FBP2: variants seen among roughly 807,000 people sequenced by gnomAD.
The protein encoded by FBP2 is fructose-bisphosphatase 2.
In FBP2, 27 loss-of-function variants were observed where a neutral mutation model predicts 31.6. That is an observed-to-expected ratio of 0.85 (90% CI 0.63 to 1.18). The LOEUF (loss-of-function observed/expected upper bound fraction) is 1.18. Ranked by LOEUF, FBP2 falls within the 50% of genes most tolerant of loss-of-function variation. The pLI is 0.00. For synonymous variants in FBP2, 168 were observed against 179.8 expected, an observed-to-expected ratio of 0.93 and a Z score of 0.53; for missense variants, 421 against 436.1, an observed-to-expected ratio of 0.97 and a Z score of 0.31.
At chr9:94,572,625 G>A (rs1827281466) in intron 3 of FBP2, among the ~76,000 whole-genome samples, 1 of 152,128 alleles carries the variant, frequency 6.6e-6, no homozygotes, top group African/African-American at 2.4e-5. Context: ...TTGGTGGCAA[G>A]TACCAACTCC....
intron 1 of FBP2, 100 bp downstream of exon 1, chr9:94,593,457 T>A (rs1827522996): frequency 1.7e-6 from 2 of 1,159,572 alleles, no homozygotes; most frequent in Non-Finnish European, 2.4e-6. Context: ...ACAGGGCCAA[T>A]AAGCTTTGGA....
chr9:94,582,351 C>CGTGTGTGTGTGTGT (rs71366248), intron 3 of FBP2, among the ~76,000 whole-genome samples: 1 of 147,744 alleles, frequency 6.8e-6, no homozygotes, highest in Non-Finnish European at 1.5e-5. Flanking sequence ...TGTGTGTGTG[C>CGTGTGTGTGTGTGT]GTGTGTGTGT....
intron 5 of FBP2, among the ~76,000 whole-genome samples, chr9:94,566,622 G>A (rs989765509): frequency 2.0e-5 from 3 of 152,184 alleles, no homozygotes; most frequent in African/African-American, 7.2e-5. Context: ...CTATATTTCT[G>A]TGTGTGTGTC....
At chr9:94,561,751 G>GAC (rs761153918) in intron 6 of FBP2, among the ~76,000 whole-genome samples, 12 of 151,996 alleles carry the variant, frequency 7.9e-5, no homozygotes, top group Non-Finnish European at 1.3e-4. Flanking sequence ...TGCACACACA[G>GAC]ACACACACAC....
chr9:94,577,462 C>G (rs578063281), intron 3 of FBP2: 1 of 152,162 alleles, frequency 6.6e-6, no homozygotes, highest in Non-Finnish European at 1.5e-5. Flanking sequence ...AATGGTTAAC[C>G]TACACTGTGG....
chr9:94,560,774 T>A (rs1246098565), intron 6 of FBP2, among the ~76,000 whole-genome samples: 1 of 148,336 alleles, frequency 6.7e-6, no homozygotes, highest in Non-Finnish European at 1.5e-5. Flanking sequence ...TGTTATTATA[T>A]ATTTTTTCTA....
At chr9:94,567,495 TG>T in intron 4 of FBP2, 88 bp from the exon 5 acceptor site, 2 of 1,507,348 alleles carry the variant, frequency 1.3e-6, no homozygotes, top group South Asian at 2.4e-5. Context: ...CAGGAGAAGA[TG>T]GGGGCCTGCT....
At chr9:94,570,900 T>C (rs1228167179) in intron 4 of FBP2, 1 of 152,234 alleles carries the variant, frequency 6.6e-6, no homozygotes, top group East Asian at 1.9e-4. Context: ...TGGGACACAG[T>C]AGATGCTCAA....
At chr9:94,565,368 CAAAA>C (rs369180827) in intron 5 of FBP2, among the ~76,000 whole-genome samples, 2 of 46,554 alleles carry the variant, frequency 4.3e-5, no homozygotes, top group Non-Finnish European at 9.3e-5. Context: ...GACTCCACCT[CAAAA>C]AAAAAAAAAA....
rs191418588 is a variant in FBP2, at chr9:94,562,659, A to G, written c.825+683T>C. On this transcript the variant is annotated intron_variant, in intron 6 of 6. Coordinates refer to ENST00000375337, the MANE Select transcript of FBP2 (RefSeq NM_003837.4). ...ACAGAGGCCTTTATTTGATTTGACT[A>G]CTTACCTACGATTTCTGTGATTGGC... 4.0e-4 allele frequency among the ~76,000 whole-genome samples: 61 copies of G among 152,280 alleles called. 1 individual carries two copies. Among genetic ancestry groups the G allele is most frequent in the Middle Eastern group, 6.8e-3 (2 of 292 alleles).
intron 2 of FBP2, among the ~76,000 whole-genome samples, chr9:94,586,130 C>G (rs1298444141): frequency 3.9e-5 from 6 of 152,158 alleles, no homozygotes; most frequent in African/African-American, 1.2e-4. Context: ...AATCCCAGCA[C>G]TTTGGGAGCC....
intron 3 of FBP2, among the ~76,000 whole-genome samples, chr9:94,575,667 A>G (rs116659763): frequency 0.011 from 1,631 of 152,306 alleles, 41 homozygotes; most frequent in African/African-American, 0.038. Context: ...ATATCTGTTT[A>G]GCATTAGTAG....
intron 3 of FBP2, among the ~76,000 whole-genome samples, chr9:94,583,317 A>C (rs1321074489): frequency 6.6e-6 from 1 of 152,168 alleles, no homozygotes; most frequent in Non-Finnish European, 1.5e-5. Flanking sequence ...AGAAAAGCAA[A>C]CTGCTACTAT....
rs779731457 is a variant in FBP2 at position 94,567,392 on chromosome 9, C to T, written c.583G>A (p.Val195Ile). 3 of 1,614,108 alleles carry T rather than the reference C, an allele frequency of 1.9e-6. No homozygotes were observed. The South Asian group carries it at 3.3e-5, about 18-fold the overall frequency. ...ATCTTGACATCTTTTTCCACCAGGA[C>T]AAATTCACCAAGAGCCTAGCAACAT... The part of the protein sequence containing the change: ...FMLDPALGEF[V>I]LVEKDVKIKK... The change falls in exon 5 of 7, where the codon GTC (valine) becomes ATC (isoleucine). Residue 195 changes from valine to isoleucine, a missense_variant. Coordinates refer to ENST00000375337, the MANE Select transcript of FBP2 (RefSeq NM_003837.4).
chr9:94,586,318 T>G (rs2131459246), intron 2 of FBP2, among the ~76,000 whole-genome samples: 1 of 152,078 alleles, frequency 6.6e-6, no homozygotes, highest in East Asian at 1.9e-4. Context: ...GAGGTTACAG[T>G]GAGCTGAGAT....
At chr9:94,582,724 AT>A (rs1564186103) in intron 3 of FBP2, among the ~76,000 whole-genome samples, 1 of 150,234 alleles carries the variant, frequency 6.7e-6, no homozygotes, top group Non-Finnish European at 1.5e-5. Flanking sequence ...ATTTTTTTGT[AT>A]TTTTAGTAGA....
intron 4 of FBP2, chr9:94,569,823 T>A (rs1827247034): frequency 6.6e-6 from 1 of 152,136 alleles, no homozygotes. Context: ...TCTGACAAAA[T>A]CAAATCACCA....
intron 5 of FBP2, among the ~76,000 whole-genome samples, chr9:94,565,851 C>T (rs977286373): frequency 4.6e-5 from 7 of 151,966 alleles, no homozygotes; most frequent in Non-Finnish European, 7.4e-5. Flanking sequence ...TATAGATGCT[C>T]GTAACTTGGG....
chr9:94,584,696 G>A (rs763789262), intron 2 of FBP2, 27 bp from the exon 3 acceptor site: 1 of 1,397,340 alleles, frequency 7.2e-7, no homozygotes, highest in South Asian at 1.2e-5. Context: ...AGCACCAACT[G>A]ATCAGCACAT....
Sources: allele counts gnomAD v4.1 joint callset (sites outside exome capture counted in the v4.1 genomes callset), GRCh38; gene constraint gnomAD v4.1.1; transcripts MANE v1.5; gene names NCBI Gene and HGNC (gene_info 2026-07-23, HGNC 2026-07-21).